The following STAT5B variants were observed in gnomAD, a reference collection of about 807,000 sequenced individuals.
The protein encoded by STAT5B is signal transducer and activator of transcription 5B.
In STAT5B, 21 loss-of-function variants were observed where a neutral mutation model predicts 107.8. That is an observed-to-expected ratio of 0.19 (90% CI 0.14 to 0.28). The LOEUF (loss-of-function observed/expected upper bound fraction) is 0.28. STAT5B is among the 10% of genes least tolerant of loss of function. STAT5B has a pLI of 1.00. For missense variants in STAT5B, 565 were observed against 1,008.2 expected (o/e 0.56, Z 5.95); for synonymous variants, 325 against 401.7 (o/e 0.81, Z 2.28).
upstream of STAT5B, among the ~76,000 whole-genome samples, chr17:42,281,069 G>C (rs1382547524): frequency 1.3e-5 from 2 of 151,986 alleles, no homozygotes; most frequent in African/African-American, 4.8e-5. Flanking sequence ...GGGAGGCTGA[G>C]GTTGCAGTGA....
At chr17:42,231,897 T>C (rs1370849787) in intron 2 of STAT5B, 103 bp downstream of exon 2, 10 of 1,559,548 alleles carry the variant, frequency 6.4e-6, no homozygotes, top group Admixed American at 1.7e-5. Context: ...TTAAAAATGT[T>C]TAAAAATACA....
intron 1 of STAT5B, among the ~76,000 whole-genome samples, chr17:42,243,451 G>A (rs1311159137): frequency 1.3e-5 from 2 of 152,114 alleles, no homozygotes; most frequent in Non-Finnish European, 2.9e-5. Context: ...GAGTGACAAT[G>A]GCATTCAGGT....
intron 1 of STAT5B, chr17:42,234,806 G>A (rs2080344435): frequency 6.6e-6 from 1 of 152,248 alleles, no homozygotes; most frequent in Admixed American, 6.5e-5. Context: ...AGGTGGCAGT[G>A]AGCCGAGATT....
In STAT5B at chr17:42,201,845, T is replaced by C. The variant is rs760069627; in HGVS notation, c.2257A>G (p.Thr753Ala). ...TCCTCCAGATCGAAGTCCCCATCGG[T>C]GTCAAGGACTGAGTCAGGGCTTGGG... ...YPQNPDSVLD[T>A]DGDFDLEDTM... The change falls in exon 19 of 19, where the codon ACC (threonine) becomes GCC (alanine). Residue 753 changes from threonine to alanine, a missense_variant. Transcript: ENST00000293328. 1 of 1,613,872 alleles carries C rather than the reference T, an allele frequency of 6.2e-7. No homozygotes were observed. Among genetic ancestry groups the C allele is most frequent in the Non-Finnish European group, 8.5e-7 (1 of 1,179,974 alleles).
intron 1 of STAT5B, among the ~76,000 whole-genome samples, chr17:42,240,604 G>A (rs2080393891): frequency 6.6e-6 from 1 of 152,056 alleles, no homozygotes; most frequent in African/African-American, 2.4e-5. Context: ...TACTTCAAAG[G>A]GTGAATTTTA....
At chr17:42,205,327 A>G (rs1278040321) in intron 16 of STAT5B, among the ~76,000 whole-genome samples, 1 of 152,068 alleles carries the variant, frequency 6.6e-6, no homozygotes, top group African/African-American at 2.4e-5. Flanking sequence ...CACCATGCCC[A>G]GCTACCTAGG....
rs2080030747 is a variant in STAT5B at position 42,199,952 on chromosome 17, C to T, written c.*1786G>A. 1 of 152,386 alleles carries T rather than the reference C, an allele frequency of 6.6e-6. No homozygotes were observed. The highest frequency in any genetic ancestry group is 2.1e-4 in the South Asian group (1 of 4,834). 9.4% of individuals were successfully genotyped at this position (152,386 alleles called of 1,614,324 possible). On this transcript the variant is annotated 3_prime_UTR_variant, in exon 19 of 19. Transcript: ENST00000293328. ...GCCTGGATCCCTGAGCAGGCAGGCTCTCCTTCTCACCCTTCCCCGATGCAC... is the reference window on the plus strand; with the variant it reads ...GCCTGGATCCCTGAGCAGGCAGGCTTTCCTTCTCACCCTTCCCCGATGCAC...
At chr17:42,206,355 T>C (rs1298094503) in intron 16 of STAT5B, among the ~76,000 whole-genome samples, 3 of 151,284 alleles carry the variant, frequency 2.0e-5, no homozygotes, top group Non-Finnish European at 4.4e-5. Flanking sequence ...CTCCCAAAAG[T>C]CTGGGATTAC....
chr17:42,225,361 G>A (rs547925923), intron 3 of STAT5B, among the ~76,000 whole-genome samples: 1 of 152,206 alleles, frequency 6.6e-6, no homozygotes, highest in East Asian at 1.9e-4. Context: ...AAAGTATCCG[G>A]GGAACATTCT....
At chr17:42,239,081 C>T (rs2080381156) in intron 1 of STAT5B, among the ~76,000 whole-genome samples, 1 of 151,658 alleles carries the variant, frequency 6.6e-6, no homozygotes, top group Non-Finnish European at 1.5e-5. Flanking sequence ...AAACCCATCT[C>T]TACTAAAAAT....
At chr17:42,236,399 C>G (rs763671315) in intron 1 of STAT5B, among the ~76,000 whole-genome samples, 4 of 152,198 alleles carry the variant, frequency 2.6e-5, no homozygotes, top group Admixed American at 6.5e-5. Flanking sequence ...ACCAACTGTT[C>G]TCCCAGTTAC....
At chr17:42,239,744 A>G (rs1202253145) in intron 1 of STAT5B, among the ~76,000 whole-genome samples, 1 of 152,252 alleles carries the variant, frequency 6.6e-6, no homozygotes, top group Non-Finnish European at 1.5e-5. Flanking sequence ...GCAATTCTAC[A>G]AAAGGGTAAA....
At chr17:42,266,689 A>G (rs1330701384) in intron 1 of STAT5B, among the ~76,000 whole-genome samples, 1 of 151,962 alleles carries the variant, frequency 6.6e-6, no homozygotes, top group Non-Finnish European at 1.5e-5. Flanking sequence ...CTGGAGACAT[A>G]GCAAGACCCC....
chr17:42,248,738 C>T (rs1429534408), intron 1 of STAT5B, among the ~76,000 whole-genome samples: 1 of 152,230 alleles, frequency 6.6e-6, no homozygotes, highest in African/African-American at 2.4e-5. Flanking sequence ...TGTTCTTTCA[C>T]AGGCGGCACT....
chr17:42,261,209 G>T (rs1360974656), intron 1 of STAT5B, among the ~76,000 whole-genome samples: 1 of 152,048 alleles, frequency 6.6e-6, no homozygotes, highest in African/African-American at 2.4e-5. Context: ...TGTATGGCCA[G>T]AAAACATAAT....
chr17:42,280,346 A>G (rs1016720682), upstream of STAT5B, among the ~76,000 whole-genome samples: 1 of 152,090 alleles, frequency 6.6e-6, no homozygotes, highest in Non-Finnish European at 1.5e-5. Flanking sequence ...TCTCTCTCAT[A>G]GATGAACACA....
chr17:42,235,375 C>G (rs568108836), intron 1 of STAT5B: 1 of 152,170 alleles, frequency 6.6e-6, no homozygotes, highest in South Asian at 2.1e-4. Context: ...TGTATACACA[C>G]AATTTGACCG....
At chr17:42,260,141 T>C (rs2080582377) in intron 1 of STAT5B, among the ~76,000 whole-genome samples, 1 of 152,210 alleles carries the variant, frequency 6.6e-6, no homozygotes, top group Admixed American at 6.5e-5. Context: ...AAATTTTATC[T>C]CATTTGAATT....
Position 42,202,135 on chromosome 17 carries a change from A to T in STAT5B, c.2237+205T>A. The T allele has an allele frequency of 6.0e-6, 4 of 665,430 alleles. No individual in the cohort carries two copies. In the South Asian group the frequency reaches 7.7e-5, roughly 13 times the overall value. The allele number at this position is 665,430 out of a possible 1,614,324, so 41.2% of individuals were successfully genotyped here. Reference sequence around the variant, plus strand: ...AATCTCCATATTGAGAGAGGGGAACAGATGACATTTGCCCAACCCGACTCT... The same window carrying T: ...AATCTCCATATTGAGAGAGGGGAACTGATGACATTTGCCCAACCCGACTCT... On this transcript the variant is annotated intron_variant, in intron 18 of 18. Transcript: ENST00000293328.
Sources: gnomAD v4.1 joint callset for allele counts (sites outside exome capture counted in the v4.1 genomes callset) on GRCh38, gnomAD v4.1.1 for gene constraint, MANE v1.5 for transcripts, NCBI Gene and HGNC (gene_info 2026-07-23, HGNC 2026-07-21) for gene names.